The following CARMIL2 variants were observed in gnomAD, a reference collection of about 807,000 sequenced individuals.
CARMIL2 encodes the protein capping protein, Arp2/3 and myosin-I linker protein 2.
CARMIL2 carries 96 observed loss-of-function variants against 173.3 expected under a neutral mutation model. That is an observed-to-expected ratio of 0.55 (90% CI 0.47 to 0.66). CARMIL2 has a LOEUF of 0.66. CARMIL2 is among the 30% of genes least tolerant of loss of function. The pLI is 0.00. For missense variants in CARMIL2, 1,771 were observed against 1,906.7 expected (o/e 0.93, Z 1.33); for synonymous variants, 830 against 817.1 (o/e 1.02, Z -0.27).
rs532413015 is a variant in CARMIL2, at chr16:67,651,838, A to G, written c.2581A>G (p.Arg861Gly). The change falls in exon 25 of 38, where the codon AGG (arginine) becomes GGG (glycine). Residue 861 changes from arginine to glycine, a missense_variant. Physicochemically the swap from Arg to Gly is moderately radical, Grantham distance 125 (BLOSUM62 -2). Transcript: ENST00000334583. This position sits in a 1 kb window ranked among gnomAD's most constrained non-coding sequence, Gnocchi z 4.2. ...PEQLLQDAFT[R>G]LRDMRLSITG... ...GCAGCTGCTGCAAGATGCCTTCACT[A>G]GGCTCAGGTAGGCTGGATGGGGCTG... 4.0e-5 allele frequency: 65 copies of G among 1,612,372 alleles called. No individual in the cohort carries two copies. In the Admixed American group the frequency reaches 4.2e-4, roughly 10 times the overall value.
intron 29 of CARMIL2, 62 bp from the exon 30 acceptor site, chr16:67,654,087 G>GT: frequency 3.6e-6 from 4 of 1,104,398 alleles, no homozygotes; most frequent in South Asian, 3.1e-5. Flanking sequence ...GGCCGGGGGG[G>GT]GGGGGGGGTA....
rs1288088541 is a variant in CARMIL2, at chr16:67,653,831, CA to C, written c.3121-316del. ...GAACTGTTCGGAGCAGAGCTGGTGG[CA>C]AGTGGGAACGGGTGACCCCGGGGGC... On this transcript the variant is annotated intron_variant, in intron 29 of 37. Transcript: ENST00000334583. The surrounding 1 kb of genome is among the most constrained non-coding windows in gnomAD (Gnocchi z 7.4). Among the ~76,000 whole-genome samples the C allele has an allele frequency of 6.6e-6, 1 of 151,984 alleles. No homozygotes were observed. Among genetic ancestry groups the C allele is most frequent in the African/African-American group, 2.4e-5 (1 of 41,386 alleles).
Position 67,651,960 on chromosome 16 carries a change from C to T in CARMIL2, c.2628C>T (p.Ser876=). Residue 876 remains serine, a synonymous_variant, in exon 26 of 38, where the codon AGC becomes AGT. Transcript: ENST00000334583. This position sits in a 1 kb window ranked among gnomAD's most constrained non-coding sequence, Gnocchi z 4.2. ...CAATCACGGGGACCTTGGCAGAGAGCATTGTGGCTCAGGCTTTGGCAGGCC... is the reference window on the plus strand; with the variant it reads ...CAATCACGGGGACCTTGGCAGAGAGTATTGTGGCTCAGGCTTTGGCAGGCC... ...RLSITGTLAE[S]IVAQALAGLS... is the part of the protein sequence containing the mutation. 6.2e-7 allele frequency: 1 copy of T among 1,613,634 alleles called. No homozygotes were observed. The highest frequency in any genetic ancestry group is 2.2e-5 in the East Asian group (1 of 44,886).
Position 67,647,783 on chromosome 16 carries a change from A to AGG in CARMIL2, c.958+21_958+22dup. On this transcript the variant is annotated intron_variant, in intron 12 of 37. Transcript: ENST00000334583. ...CACCGCGAGGTAGGCTGGATGAGGG[A>AGG]GGGGGTGAGGGGAGGGGGGTGGGGG... 5.1e-6 allele frequency: 1 copy of AGG among 197,798 alleles called. No individual in the cohort carries two copies. The allele number at this position is 197,798 out of a possible 1,614,324, so 12.3% of individuals were successfully genotyped here.
Position 67,648,077 on chromosome 16 carries a change from C to T in CARMIL2, c.1097C>T (p.Pro366Leu), listed in dbSNP as rs1380681628. The stretch of plus-strand genomic sequence containing the variant: ...GGCCTCTATAGCTTCCTGAGCCGTC[C>T]TAACGTACTGTCGTTCCTGAATCTC... ...SGGLYSFLSR[P>L]NVLSFLNLAG... The change falls in exon 14 of 38, where the codon CCT becomes CTT. Residue 366 changes from proline to leucine, a missense_variant. Physicochemically the swap from Pro to Leu is moderately conservative, Grantham distance 98 (BLOSUM62 -3). Around this residue, in one of 3 missense-constraint regions of CARMIL2, gnomAD observed 944 missense variants for 975.6 expected, o/e 0.97. Coordinates refer to ENST00000334583, the MANE Select transcript of CARMIL2 (RefSeq NM_001013838.3). This position sits in a 1 kb window ranked among gnomAD's most constrained non-coding sequence, Gnocchi z 6.1. 2 of 1,612,766 alleles carry T rather than the reference C, an allele frequency of 1.2e-6. No individual in the cohort carries two copies. The highest frequency in any genetic ancestry group is 4.5e-5 in the East Asian group (2 of 44,860).
chr16:67,649,771 A>T lies in CARMIL2; in HGVS notation c.1920-35A>T, dbSNP rs2052683388. 2 of 1,595,594 alleles carry T rather than the reference A, an allele frequency of 1.3e-6. No individual in the cohort carries two copies. Among genetic ancestry groups the T allele is most frequent in the Non-Finnish European group, 1.7e-6 (2 of 1,169,322 alleles). ...CCGAGGGTTGGGTGGGGCGTTGGGA[A>T]GCTCCGTCCCCGACTGAAGCCAGGC... is the stretch of plus-strand genomic sequence containing the variant. On this transcript the variant is annotated intron_variant, in intron 20 of 37. Transcript: ENST00000334583. The surrounding 1 kb of genome is among the most constrained non-coding windows in gnomAD (Gnocchi z 6.7).
At chr16:67,656,951 T>C (rs928501399) in intron 36 of CARMIL2, 70 bp downstream of exon 36, 3 of 1,282,584 alleles carry the variant, frequency 2.3e-6, no homozygotes, top group African/African-American at 1.5e-5. Context: ...GGGGCTCCCT[T>C]CATAGCTTTG....
Position 67,657,301 on chromosome 16 carries a change from C to T in CARMIL2, c.4180C>T (p.Pro1394Ser), listed in dbSNP as rs1267505559. 2 of 1,613,652 alleles carry T rather than the reference C, an allele frequency of 1.2e-6. No individual in the cohort carries two copies. Among genetic ancestry groups the T allele is most frequent in the Non-Finnish European group, 1.7e-6 (2 of 1,179,834 alleles). The change falls in exon 37 of 38, where the codon CCA (proline) becomes TCA (serine). Residue 1394 changes from proline to serine, a missense_variant. By Grantham distance (74) the Pro-to-Ser change is moderately conservative. Coordinates refer to ENST00000334583, the MANE Select transcript of CARMIL2 (RefSeq NM_001013838.3). This position sits in a 1 kb window ranked among gnomAD's most constrained non-coding sequence, Gnocchi z 4.5. ...LKRRPKLEAP[P>S]SPSLGSGLGT... ...ACGCAGGCCAAAACTCGAGGCACCT[C>T]CATCCCCAAGCCTAGGTAAGAGGGG...
Position 67,656,266 on chromosome 16 carries a change from T to C in CARMIL2, c.3781T>C (p.Ser1261Pro). 6.2e-7 allele frequency: 1 copy of C among 1,613,978 alleles called. No homozygotes were observed. Among genetic ancestry groups the C allele is most frequent in the Non-Finnish European group, 8.5e-7 (1 of 1,179,882 alleles). ...CAGTTCCACGGAGGCCCCTCCCATC[T>C]CGATCAAGTCCCGCACCCACTCTGT... Reference protein sequence around the residue: ...MDSSTEAPPISIKSRTHSVSA... With the variant: ...MDSSTEAPPIPIKSRTHSVSA... The change falls in exon 34 of 38, where the codon TCG becomes CCG. Residue 1261 changes from serine (S) to proline (P), a missense_variant. Physicochemically the swap from Ser to Pro is moderately conservative, Grantham distance 74 (BLOSUM62 -1). Transcript: ENST00000334583.
Position 67,656,595 on chromosome 16 carries a change from C to G in CARMIL2, c.3986C>G (p.Pro1329Arg), listed in dbSNP as rs561786942. 6 of 1,611,018 alleles carry G rather than the reference C, an allele frequency of 3.7e-6. No homozygotes were observed. The stretch of plus-strand genomic sequence containing the variant: ...AGTCCCTGCAGAACCAGCCCCTCCC[C>G]AGACAGCCTGGGCCTCCCAGAGGAC... ...SPSPCRTSPS[P>R]DSLGLPEDPC... is the part of the protein sequence containing the mutation. The change falls in exon 35 of 38, where the codon CCA (proline) becomes CGA (arginine). Residue 1329 changes from proline (P) to arginine (R), a missense_variant. Pro to Arg is a moderately radical substitution (Grantham distance 103). Transcript: ENST00000334583.
intron 3 of CARMIL2, 73 bp downstream of exon 3, chr16:67,645,850 G>A: frequency 6.3e-7 from 1 of 1,587,270 alleles, no homozygotes; most frequent in Non-Finnish European, 8.6e-7. Flanking sequence ...CTGCAGAGTG[G>A]TCCTTCTTGG....
chr16:67,652,044 A>C lies in CARMIL2; in HGVS notation c.2676+36A>C, dbSNP rs760674574. 2.5e-6 allele frequency: 4 copies of C among 1,609,150 alleles called. No homozygotes were observed. The highest frequency in any genetic ancestry group is 3.4e-6 in the Non-Finnish European group (4 of 1,176,066). ...GATGTGCACACACTTTCGTGCAAAC[A>C]CACACATGCAGTGACTTGGCCATCT... On this transcript the variant is annotated intron_variant, in intron 26 of 37. Transcript: ENST00000334583. This position sits in a 1 kb window ranked among gnomAD's most constrained non-coding sequence, Gnocchi z 4.7.
rs777407994 is a variant in CARMIL2, at chr16:67,646,073, C to G, written c.242C>G (p.Pro81Arg). Residue 81 changes from proline to arginine, a missense_variant, in exon 4 of 38, where the codon CCC (proline) becomes CGC (arginine). By Grantham distance (103) the Pro-to-Arg change is moderately radical (BLOSUM62 -2). This residue lies in a region of CARMIL2 where 944 missense variants were observed against 975.6 expected (regional missense o/e 0.97). Transcript: ENST00000334583. This position sits in a 1 kb window ranked among gnomAD's most constrained non-coding sequence, Gnocchi z 4.6. Reference sequence around the variant, plus strand: ...CAGGCCATGGCGCTGCAGGAGACACCCCCTCAGGTGAGACACCTAGTACCC... The same window carrying G: ...CAGGCCATGGCGCTGCAGGAGACACGCCCTCAGGTGAGACACCTAGTACCC... ...EVQAMALQET[P>R]PQVTFELESL... The G allele has an allele frequency of 2.5e-6, 4 of 1,613,650 alleles. No individual in the cohort carries two copies. The African/African-American group carries it at 4.0e-5, about 16-fold the overall frequency.
chr16:67,646,662 C>T lies in CARMIL2; in HGVS notation c.467-52C>T. The T allele has an allele frequency of 6.3e-7, 1 of 1,598,256 alleles. No individual in the cohort carries two copies. The highest frequency in any genetic ancestry group is 1.7e-4 in the Middle Eastern group (1 of 6,030). ...CTGTGGGTCTGGTCTTCCTCCATCG[C>T]TGATGTTTTGTCTCTCTCCTTTTCC... On this transcript the variant is annotated intron_variant, in intron 6 of 37. Coordinates refer to ENST00000334583, the MANE Select transcript of CARMIL2 (RefSeq NM_001013838.3). The surrounding 1 kb of genome is among the most constrained non-coding windows in gnomAD (Gnocchi z 4.6).
At position 67,652,423 on chromosome 16, in the gene CARMIL2, T is replaced by C; in HGVS notation, c.2818-49T>C. On this transcript the variant is annotated intron_variant, in intron 27 of 37. Coordinates refer to ENST00000334583, the MANE Select transcript of CARMIL2 (RefSeq NM_001013838.3). The surrounding 1 kb of genome is among the most constrained non-coding windows in gnomAD (Gnocchi z 4.7). ...TGTGGAAGGTGAAAGGCAGCTCTTTTGGGTTGGTGCTCTCCTACCCCAGGC... is the reference window on the plus strand; with the variant it reads ...TGTGGAAGGTGAAAGGCAGCTCTTTCGGGTTGGTGCTCTCCTACCCCAGGC... The C allele has an allele frequency of 1.9e-6, 3 of 1,611,654 alleles. No homozygotes were observed. The highest frequency in any genetic ancestry group is 2.5e-6 in the Non-Finnish European group (3 of 1,178,582).
chr16:67,648,893 C>G lies in CARMIL2; in HGVS notation c.1510C>G (p.Leu504Val), dbSNP rs777555742. ...DLHLDLSACE[L>V]RSAGAQVIQD... Reference sequence around the variant, plus strand: ...CCCACCTCCCACCTCCCACATACAGCTGCGCTCGGCCGGCGCCCAGGTGAT... The same window carrying G: ...CCCACCTCCCACCTCCCACATACAGGTGCGCTCGGCCGGCGCCCAGGTGAT... The change falls in exon 17 of 38, where the codon CTG becomes GTG. Residue 504 changes from leucine to valine, a missense_variant and splice_region_variant. By Grantham distance (32) the Leu-to-Val change is conservative. Around this residue, in one of 3 missense-constraint regions of CARMIL2, gnomAD observed 944 missense variants for 975.6 expected, o/e 0.97. Transcript: ENST00000334583. The surrounding 1 kb of genome is among the most constrained non-coding windows in gnomAD (Gnocchi z 6.1). 7 of 1,603,314 alleles carry G rather than the reference C, an allele frequency of 4.4e-6. No homozygotes were observed. Among genetic ancestry groups the G allele is most frequent in the Non-Finnish European group, 6.0e-6 (7 of 1,175,598 alleles).
chr16:67,652,985 G>A lies in CARMIL2; in HGVS notation c.2885-34G>A, dbSNP rs2052758730. On this transcript the variant is annotated intron_variant, in intron 28 of 37. Transcript: ENST00000334583. This position sits in a 1 kb window ranked among gnomAD's most constrained non-coding sequence, Gnocchi z 4.7. ...CCTCCGCCGCCACCTCCCCGGGCTC[G>A]GCGCTCGGTGCTCTTCTGGTGCTGT... The A allele has an allele frequency of 8.6e-7, 1 of 1,165,302 alleles. No homozygotes were observed. Among genetic ancestry groups the A allele is most frequent in the Non-Finnish European group, 1.1e-6 (1 of 901,698 alleles). The allele number at this position is 1,165,302 out of a possible 1,614,324, so 72.2% of individuals were successfully genotyped here.
Position 67,649,504 on chromosome 16 carries a change from C to G in CARMIL2, c.1804C>G (p.Leu602Val), listed in dbSNP as rs770762281. The change falls in exon 20 of 38, where the codon CTC becomes GTC. Residue 602 changes from leucine to valine, a missense_variant. Around this residue, in one of 3 missense-constraint regions of CARMIL2, gnomAD observed 944 missense variants for 975.6 expected, o/e 0.97. Transcript: ENST00000334583. This position sits in a 1 kb window ranked among gnomAD's most constrained non-coding sequence, Gnocchi z 6.7. ...SRLKLGASVL[L>V]RALATNPNLT... ...GCTGAAGCTGGGTGCCAGCGTCCTA[C>G]TCCGGGCCCTAGCCACCAATCCTAA... 6.2e-7 allele frequency: 1 copy of G among 1,609,462 alleles called. No homozygotes were observed. Among genetic ancestry groups the G allele is most frequent in the Non-Finnish European group, 8.5e-7 (1 of 1,179,876 alleles).
rs1417881697 is a variant in CARMIL2, at chr16:67,652,158, C to T, written c.2677-41C>T. Reference sequence around the variant, plus strand: ...TTAGTTAGCATCAATGGGATCATGGCTGAGGCCCTACCTGCCATCTTTGGC... The same window carrying T: ...TTAGTTAGCATCAATGGGATCATGGTTGAGGCCCTACCTGCCATCTTTGGC... On this transcript the variant is annotated intron_variant, in intron 26 of 37. Transcript: ENST00000334583. This position sits in a 1 kb window ranked among gnomAD's most constrained non-coding sequence, Gnocchi z 4.7. 1 of 1,605,730 alleles carries T rather than the reference C, an allele frequency of 6.2e-7. No homozygotes were observed. Among genetic ancestry groups the T allele is most frequent in the East Asian group, 2.2e-5 (1 of 44,786 alleles).
Sources: gnomAD v4.1 joint callset for allele counts (sites outside exome capture counted in the v4.1 genomes callset) on GRCh38, gnomAD v4.1.1 for gene constraint, gnomAD v4.1.1 regional missense constraint, Gnocchi (gnomAD v3.1) non-coding constraint, MANE v1.5 for transcripts, NCBI Gene and HGNC (gene_info 2026-07-23, HGNC 2026-07-21) for gene names.